Variants in GRID2 observed in about 807,000 individuals in gnomAD.
The protein encoded by GRID2 is glutamate receptor ionotropic, delta-2.
GRID2 carries 33 observed loss-of-function variants against 114.8 expected under a neutral mutation model. The observed-to-expected ratio is 0.29, with a 90% confidence interval of 0.22 to 0.38. The LOEUF is 0.38. GRID2 is among the 10% of genes least tolerant of loss of function. The pLI, the probability that GRID2 is intolerant of heterozygous loss-of-function variation, is 1.00. For missense variants in GRID2, 1,184 were observed against 1,257.7 expected, an observed-to-expected ratio of 0.94 and a Z score of 0.89; for synonymous variants, 505 against 449.9, an observed-to-expected ratio of 1.12 and a Z score of -1.55.
intron 2 of GRID2, among the ~76,000 whole-genome samples, chr4:92,711,146 G>A (rs1197526266): frequency 6.6e-6 from 1 of 152,048 alleles, no homozygotes; most frequent in East Asian, 1.9e-4. Context: ...ATTTGGGGTT[G>A]ATTGCATAGG....
intron 2 of GRID2, among the ~76,000 whole-genome samples, chr4:92,721,445 A>C (rs1379546731): frequency 6.6e-6 from 1 of 152,144 alleles, no homozygotes; most frequent in East Asian, 1.9e-4. Flanking sequence ...GTTGTAATTT[A>C]TAAATAAAGC....
At chr4:93,139,830 T>A (rs1735597945) in intron 4 of GRID2, among the ~76,000 whole-genome samples, 1 of 151,876 alleles carries the variant, frequency 6.6e-6, no homozygotes, top group Non-Finnish European at 1.5e-5. Context: ...ATTGTACAAC[T>A]CAATTATATA....
intron 2 of GRID2, among the ~76,000 whole-genome samples, chr4:92,969,020 AATT>A (rs1196860754): frequency 6.6e-6 from 1 of 151,776 alleles, no homozygotes; most frequent in East Asian, 1.9e-4. Flanking sequence ...GTTTTTACTT[AATT>A]ACACTGAACT....
At chr4:93,277,871 C>T (rs1752222571) in intron 8 of GRID2, among the ~76,000 whole-genome samples, 1 of 151,790 alleles carries the variant, frequency 6.6e-6, no homozygotes, top group Non-Finnish European at 1.5e-5. Context: ...ACAGAGGGAA[C>T]ACGTATTGAA....
At chr4:92,875,961 T>C (rs1745597551) in intron 2 of GRID2, among the ~76,000 whole-genome samples, 1 of 152,198 alleles carries the variant, frequency 6.6e-6, no homozygotes, top group Non-Finnish European at 1.5e-5. Flanking sequence ...ATATTTGAAC[T>C]AGCAGAGAGC....
chr4:93,323,307 C>A (rs564147309), intron 8 of GRID2, among the ~76,000 whole-genome samples: 1 of 152,224 alleles, frequency 6.6e-6, no homozygotes, highest in East Asian at 1.9e-4. Context: ...ATAGGGAATC[C>A]TTTCCCCATT....
intron 2 of GRID2, among the ~76,000 whole-genome samples, chr4:93,008,930 A>G (rs573660606): frequency 6.6e-6 from 1 of 152,252 alleles, no homozygotes; most frequent in African/African-American, 2.4e-5. Context: ...GGCTTGCCTA[A>G]TGTCCTTGGA....
intron 1 of GRID2, among the ~76,000 whole-genome samples, chr4:92,571,121 T>C (rs184079178): frequency 6.6e-6 from 1 of 152,184 alleles, no homozygotes; most frequent in East Asian, 1.9e-4. Context: ...GGTATGTTCC[T>C]TCAATACATG....
At chr4:92,675,625 A>G (rs1427794588) in intron 2 of GRID2, among the ~76,000 whole-genome samples, 2 of 149,670 alleles carry the variant, frequency 1.3e-5, no homozygotes, top group Non-Finnish European at 1.5e-5. Context: ...ATCTTGGCTC[A>G]CTGCAAGCTC....
intron 12 of GRID2, among the ~76,000 whole-genome samples, chr4:93,492,419 A>G (rs937258869): frequency 1.3e-5 from 2 of 151,882 alleles, no homozygotes; most frequent in Non-Finnish European, 2.9e-5. Flanking sequence ...TCCTGAGCCT[A>G]CATTCTAACT....
chr4:92,958,508 C>A (rs140702151), intron 2 of GRID2, among the ~76,000 whole-genome samples: 3 of 152,006 alleles, frequency 2.0e-5, no homozygotes, highest in Non-Finnish European at 4.4e-5. Context: ...CTTGTATATC[C>A]GGGATAAATC....
At chr4:93,683,175 C>T (rs1366967614) in intron 14 of GRID2, among the ~76,000 whole-genome samples, 1 of 151,878 alleles carries the variant, frequency 6.6e-6, no homozygotes, top group Non-Finnish European at 1.5e-5. Context: ...TGGGCTTCTC[C>T]TTGGCATTTG....
At chr4:92,635,827 A>G (rs1251603945) in intron 2 of GRID2, among the ~76,000 whole-genome samples, 2 of 152,096 alleles carry the variant, frequency 1.3e-5, no homozygotes, top group African/African-American at 4.8e-5. Flanking sequence ...CATTTTATTT[A>G]CTAGAGTTTA....
chr4:93,513,352 GT>G (rs1729381653), intron 12 of GRID2, among the ~76,000 whole-genome samples: 1 of 152,116 alleles, frequency 6.6e-6, no homozygotes, highest in Admixed American at 6.6e-5. Flanking sequence ...TTATAATACA[GT>G]TTTACTGATA....
At chr4:93,280,949 A>G (rs966269936) in intron 8 of GRID2, among the ~76,000 whole-genome samples, 2 of 151,988 alleles carry the variant, frequency 1.3e-5, no homozygotes, top group Admixed American at 6.6e-5. Flanking sequence ...ATACACAAAA[A>G]TAAACAAAAA....
At chr4:93,329,562 A>C (rs564866598) in intron 8 of GRID2, among the ~76,000 whole-genome samples, 1 of 152,252 alleles carries the variant, frequency 6.6e-6, no homozygotes, top group Non-Finnish European at 1.5e-5. Flanking sequence ...AGTATGAAAT[A>C]ACTATTTGGA....
At chr4:92,454,375 A>G (rs1432695124) in intron 1 of GRID2, among the ~76,000 whole-genome samples, 1 of 152,238 alleles carries the variant, frequency 6.6e-6, no homozygotes, top group Non-Finnish European at 1.5e-5. Context: ...GTTTCCTTAT[A>G]TAAATTTTTT....
At position 92,647,866 on chromosome 4, in the gene GRID2, A is replaced by G. The variant is rs796198290; in HGVS notation, c.244+57580A>G. Among the ~76,000 whole-genome samples the G allele has an allele frequency of 6.7e-5, 10 of 149,920 alleles. 1 individual carries two copies. Among genetic ancestry groups the G allele is most frequent in the African/African-American group, 2.5e-4 (10 of 40,098 alleles). On this transcript the variant is annotated intron_variant, in intron 2 of 15. Coordinates refer to ENST00000282020, the MANE Select transcript of GRID2 (RefSeq NM_001510.4). The stretch of plus-strand genomic sequence containing the variant: ...AATTTGAAATGTTCCTTATCTATAA[A>G]TAGAAATTAGTTGAATTAGACAGAA...
chr4:93,174,873 C>G (rs1396900720), intron 4 of GRID2, among the ~76,000 whole-genome samples: 1 of 152,056 alleles, frequency 6.6e-6, no homozygotes, highest in Non-Finnish European at 1.5e-5. Context: ...TTATTTAACC[C>G]AGAGCCTCTG....
Sources: allele counts gnomAD v4.1 joint callset (sites outside exome capture counted in the v4.1 genomes callset), GRCh38; gene constraint gnomAD v4.1.1; transcripts MANE v1.5; gene names NCBI Gene and HGNC (gene_info 2026-07-23, HGNC 2026-07-21).